The following PTPRG variants were observed in gnomAD, a reference collection of about 807,000 sequenced individuals.
PTPRG encodes the protein protein tyrosine phosphatase receptor type G, also known as receptor-type tyrosine-protein phosphatase gamma.
PTPRG carries 102 observed loss-of-function variants against 165.3 expected under a neutral mutation model. That is an observed-to-expected ratio of 0.62 (90% CI 0.53 to 0.73). The LOEUF (loss-of-function observed/expected upper bound fraction) is 0.73, where lower values mean the gene tolerates loss of function less well. PTPRG is among the 30% of genes least tolerant of loss of function. PTPRG has a pLI of 0.00. For synonymous variants in PTPRG, 675 were observed against 669.5 expected (o/e 1.01, Z -0.13); for missense variants, 1,866 against 1,861.4 (o/e 1.00, Z -0.05).
chr3:62,029,157 C>T (rs1699681272), intron 4 of PTPRG, among the ~76,000 whole-genome samples: 1 of 152,118 alleles, frequency 6.6e-6, no homozygotes, highest in African/African-American at 2.4e-5. Context: ...TGTATTCTGA[C>T]TTGTGAAGGG....
chr3:61,827,857 A>G (rs2036155569), intron 2 of PTPRG, among the ~76,000 whole-genome samples: 1 of 152,224 alleles, frequency 6.6e-6, no homozygotes, highest in Admixed American at 6.5e-5. Flanking sequence ...TTTTCTTATT[A>G]TATAGTACCT....
intron 2 of PTPRG, chr3:61,770,371 G>C (rs2034172291): frequency 6.6e-6 from 1 of 152,192 alleles, no homozygotes; most frequent in African/African-American, 2.4e-5. Flanking sequence ...CTCACGTGAA[G>C]AGCTAAAGTT....
intron 1 of PTPRG, among the ~76,000 whole-genome samples, chr3:61,607,595 A>G (rs1701049143): frequency 6.6e-6 from 1 of 152,154 alleles, no homozygotes; most frequent in African/African-American, 2.4e-5. Context: ...GGAAGGTCTG[A>G]GCAAAGATAA....
chr3:61,660,905 G>A (rs1702640929), intron 1 of PTPRG, among the ~76,000 whole-genome samples: 1 of 152,140 alleles, frequency 6.6e-6, no homozygotes, highest in South Asian at 2.1e-4. Context: ...AGGAGGCTGA[G>A]GCATGAGAAT....
At chr3:62,091,363 C>G (rs909311432) in intron 5 of PTPRG, among the ~76,000 whole-genome samples, 13 of 152,182 alleles carry the variant, frequency 8.5e-5, no homozygotes, top group Non-Finnish European at 1.8e-4. Flanking sequence ...TTTCTTACTA[C>G]TTTAAAGAGG....
intron 4 of PTPRG, among the ~76,000 whole-genome samples, chr3:62,041,566 G>A (rs926606703): frequency 3.3e-5 from 5 of 152,114 alleles, no homozygotes; most frequent in East Asian, 1.9e-4. Flanking sequence ...CTGAATTTTA[G>A]ATTTCTCCCA....
At chr3:61,875,010 G>A (rs1201293423) in intron 2 of PTPRG, among the ~76,000 whole-genome samples, 1 of 152,144 alleles carries the variant, frequency 6.6e-6, no homozygotes, top group Non-Finnish European at 1.5e-5. Context: ...GGATGAGCAG[G>A]AACAGAAAGC....
At chr3:61,793,094 T>C (rs9683044) in intron 2 of PTPRG, among the ~76,000 whole-genome samples, 32,001 of 152,132 alleles carry the variant, frequency 0.21, 4,394 homozygotes, top group East Asian at 0.28. Context: ...TCTCCAAGGT[T>C]CAGTGAATGA....
At chr3:61,914,804 T>C (rs2038894158) in intron 2 of PTPRG, among the ~76,000 whole-genome samples, 1 of 152,236 alleles carries the variant, frequency 6.6e-6, no homozygotes, top group African/African-American at 2.4e-5. Context: ...TAAATTGTCA[T>C]GAACTCTCCT....
intron 5 of PTPRG, among the ~76,000 whole-genome samples, chr3:62,109,975 G>A (rs1702609426): frequency 6.6e-6 from 1 of 151,738 alleles, no homozygotes; most frequent in Non-Finnish European, 1.5e-5. Context: ...CCATGTTCCT[G>A]TGACATTCAT....
At position 62,036,978 on chromosome 3, in the gene PTPRG, C is replaced by T. The variant is rs539552860; in HGVS notation, c.519+33481C>T. Among the ~76,000 whole-genome samples the T allele has an allele frequency of 4.7e-3, 483 of 102,794 alleles. 2 individuals are homozygous for T. The highest frequency in any genetic ancestry group is 0.017 in the African/African-American group (450 of 26,342). The allele number at this position is 102,794 out of a possible 152,430, so 67.4% of individuals were successfully genotyped here. ...TCCCTCAGTGCTGCACGTGCGCGCGCGCACGCACACACACACACACACACA... is the reference window on the plus strand; with the variant it reads ...TCCCTCAGTGCTGCACGTGCGCGCGTGCACGCACACACACACACACACACA... On this transcript the variant is annotated intron_variant, in intron 4 of 29. Coordinates refer to ENST00000474889, the MANE Select transcript of PTPRG (RefSeq NM_002841.4).
At chr3:61,820,190 G>A (rs1484103888) in intron 2 of PTPRG, among the ~76,000 whole-genome samples, 1 of 152,142 alleles carries the variant, frequency 6.6e-6, no homozygotes, top group Non-Finnish European at 1.5e-5. Flanking sequence ...TGGAGGCTGA[G>A]AAGTCCCACA....
At chr3:62,188,500 A>G (rs193273101) in intron 8 of PTPRG, among the ~76,000 whole-genome samples, 60 of 152,212 alleles carry the variant, frequency 3.9e-4, no homozygotes, top group East Asian at 1.2e-3. Context: ...AATGTTCACA[A>G]TCGTTTTCTC....
At chr3:61,713,562 C>G (rs988731136) in intron 1 of PTPRG, among the ~76,000 whole-genome samples, 1 of 151,990 alleles carries the variant, frequency 6.6e-6, no homozygotes, top group Non-Finnish European at 1.5e-5. Flanking sequence ...AGATAAAATA[C>G]CCTTCCCCTT....
chr3:62,248,348 AG>A (rs1701337094), intron 15 of PTPRG, among the ~76,000 whole-genome samples: 1 of 152,174 alleles, frequency 6.6e-6, no homozygotes, highest in Non-Finnish European at 1.5e-5. Flanking sequence ...TATTTCACTA[AG>A]GGTTTTTCAA....
intron 1 of PTPRG, among the ~76,000 whole-genome samples, chr3:61,613,790 A>G (rs1192753658): frequency 6.6e-6 from 1 of 152,130 alleles, no homozygotes; most frequent in Non-Finnish European, 1.5e-5. Flanking sequence ...GTGCTTTTGT[A>G]TTTTGTTGAA....
intron 1 of PTPRG, among the ~76,000 whole-genome samples, chr3:61,628,577 G>A (rs1490113137): frequency 5.3e-5 from 8 of 152,048 alleles, no homozygotes; most frequent in South Asian, 2.1e-4. Context: ...CAGGTGATCC[G>A]TCTGCCTTGG....
intron 20 of PTPRG, among the ~76,000 whole-genome samples, chr3:62,270,574 G>A (rs1702027613): frequency 6.6e-6 from 1 of 151,970 alleles, no homozygotes; most frequent in Non-Finnish European, 1.5e-5. Flanking sequence ...GGAACTTTAG[G>A]TGTTTTACAT....
At chr3:61,860,704 A>G (rs193272096) in intron 2 of PTPRG, among the ~76,000 whole-genome samples, 16 of 152,128 alleles carry the variant, frequency 1.1e-4, no homozygotes, top group Non-Finnish European at 1.5e-4. Context: ...TCAGCCTCCC[A>G]AAGTGCCGGG....
Sources: gnomAD v4.1 joint callset for allele counts (sites outside exome capture counted in the v4.1 genomes callset) on GRCh38, gnomAD v4.1.1 for gene constraint, MANE v1.5 for transcripts, NCBI Gene and HGNC (gene_info 2026-07-23, HGNC 2026-07-21) for gene names.